RUNX1: variants seen among roughly 807,000 people sequenced by gnomAD.
RUNX1 encodes the protein RUNX family transcription factor 1, also known as runt-related transcription factor 1.
In RUNX1, 19 loss-of-function variants were observed where a neutral mutation model predicts 42.8. That is an observed-to-expected ratio of 0.44 (90% CI 0.31 to 0.65). RUNX1 has a LOEUF of 0.65. Among genes scored for constraint, RUNX1 ranks in the 30% least tolerant of loss-of-function variants. The pLI, the probability that RUNX1 is intolerant of heterozygous loss-of-function variation, is 0.07. For synonymous variants in RUNX1, 271 were observed against 289.4 expected (o/e 0.94, Z 0.64); for missense variants, 528 against 672.0 (o/e 0.79, Z 2.37).
chr21:34,913,019 T>C (rs1040724632), intron 2 of RUNX1, among the ~76,000 whole-genome samples: 5 of 151,530 alleles, frequency 3.3e-5, no homozygotes, highest in African/African-American at 1.2e-4. Context: ...TCACTTGAGG[T>C]CAGGAGTTTA....
At chr21:34,806,676 T>G (rs186963527) in intron 7 of RUNX1, among the ~76,000 whole-genome samples, 12 of 152,326 alleles carry the variant, frequency 7.9e-5, no homozygotes, top group Admixed American at 2.0e-4. Flanking sequence ...AGAATACACA[T>G]TCTTCAGCTC....
intron 4 of RUNX1, among the ~76,000 whole-genome samples, chr21:34,881,475 T>C (rs1352822229): frequency 1.3e-5 from 2 of 152,170 alleles, no homozygotes; most frequent in African/African-American, 4.8e-5. Context: ...CGTTTACTAA[T>C]TACAAAATCA....
chr21:34,987,888 G>A (rs1295208519), intron 2 of RUNX1, among the ~76,000 whole-genome samples: 1 of 152,292 alleles, frequency 6.6e-6, no homozygotes, highest in Non-Finnish European at 1.5e-5. Flanking sequence ...TGATGCCAGA[G>A]ATCCAGGCTG....
intron 2 of RUNX1, among the ~76,000 whole-genome samples, chr21:34,927,785 A>C (rs2058407179): frequency 6.6e-6 from 1 of 152,182 alleles, no homozygotes. Context: ...TTGGGGACAC[A>C]AATCAAACTG....
intron 5 of RUNX1, among the ~76,000 whole-genome samples, chr21:34,862,882 C>T (rs369466819): frequency 4.3e-4 from 65 of 152,320 alleles, no homozygotes; most frequent in African/African-American, 1.4e-3. Flanking sequence ...TACAGGCACG[C>T]GTGTGTTTTA....
Position 34,992,689 on chromosome 21 carries a change from GA to G in RUNX1, c.58+56152del, listed in dbSNP as rs1215066347. ...ATTACAAATATAAAAAAAAAAAAAA[GA>G]AAAAAAAAAACAACCCAAGAAATGG... On this transcript the variant is annotated intron_variant, in intron 2 of 8. Transcript: ENST00000675419. 5.1e-3 allele frequency among the ~76,000 whole-genome samples: 662 copies of G among 129,972 alleles called. 5 individuals carry two copies. The highest frequency in any genetic ancestry group is 0.016 in the African/African-American group (561 of 34,570). The allele number at this position is 129,972 out of a possible 152,430, so 85.3% of individuals were successfully genotyped here.
At chr21:34,923,489 AT>A (rs1288288484) in intron 2 of RUNX1, among the ~76,000 whole-genome samples, 1 of 152,208 alleles carries the variant, frequency 6.6e-6, no homozygotes, top group African/African-American at 2.4e-5. Flanking sequence ...CCAGAACTTC[AT>A]TTCAAACAAA....
chr21:34,819,023 G>A (rs1194548672), intron 7 of RUNX1, among the ~76,000 whole-genome samples: 1 of 152,190 alleles, frequency 6.6e-6, no homozygotes, highest in African/African-American at 2.4e-5. Flanking sequence ...GTATCTGTGT[G>A]ACCCTGGGCA....
chr21:35,043,681 A>G (rs1412198697), intron 2 of RUNX1, among the ~76,000 whole-genome samples: 1 of 152,194 alleles, frequency 6.6e-6, no homozygotes, highest in Non-Finnish European at 1.5e-5. Flanking sequence ...GCAGAACTCA[A>G]ATGAGACACA....
chr21:34,894,901 A>ACACG (rs1163724754), intron 2 of RUNX1, among the ~76,000 whole-genome samples: 5 of 142,256 alleles, frequency 3.5e-5, no homozygotes, highest in African/African-American at 1.5e-4. Context: ...ACACACACAC[A>ACACG]CACACACACA....
chr21:34,868,427 C>A lies in RUNX1; in HGVS notation c.509-8849G>T, dbSNP rs891628653. ...CATTAGGATCAGACCAAATTCCCAA[C>A]GTGGATGTTAAGGCAATCCCCGCCC... is the stretch of plus-strand genomic sequence containing the variant. On this transcript the variant is annotated intron_variant, in intron 5 of 8. Coordinates refer to ENST00000675419, the MANE Select transcript of RUNX1 (RefSeq NM_001754.5). Among the ~76,000 whole-genome samples the A allele has an allele frequency of 5.3e-5, 8 of 152,256 alleles. No homozygotes were observed. The East Asian group carries it at 1.2e-3, about 22-fold the overall frequency.
chr21:34,873,958 T>C (rs938836428), intron 5 of RUNX1, among the ~76,000 whole-genome samples: 9 of 152,212 alleles, frequency 5.9e-5, no homozygotes, highest in African/African-American at 1.9e-4. Context: ...AACGAGCGCA[T>C]GTCATAGTAT....
At chr21:34,836,386 G>A (rs534425618) in intron 6 of RUNX1, among the ~76,000 whole-genome samples, 6 of 152,236 alleles carry the variant, frequency 3.9e-5, no homozygotes, top group East Asian at 1.9e-4. Context: ...TTTCTAGAGC[G>A]CTCTGTGTTG....
chr21:34,817,556 G>A (rs28690393), intron 7 of RUNX1, among the ~76,000 whole-genome samples: 21,276 of 151,982 alleles, frequency 0.14, 4,545 homozygotes, highest in African/African-American at 0.46. Flanking sequence ...AATGCCTCCC[G>A]GCTCAGGTAA....
intron 2 of RUNX1, among the ~76,000 whole-genome samples, chr21:35,008,068 C>A (rs948432661): frequency 2.0e-5 from 3 of 152,208 alleles, no homozygotes; most frequent in Non-Finnish European, 2.9e-5. Context: ...CTCTCAGTGT[C>A]TGATCCATGG....
Position 34,788,355 on chromosome 21 carries a change from C to CT in RUNX1, c.*3779dup. 4.3e-6 allele frequency: 1 copy of CT among 233,294 alleles called. No homozygotes were observed. Among genetic ancestry groups the CT allele is most frequent in the Non-Finnish European group, 8.5e-6 (1 of 117,892 alleles). The allele number at this position is 233,294 out of a possible 1,614,324, so 14.5% of individuals were successfully genotyped here. On this transcript the variant is annotated 3_prime_UTR_variant, in exon 9 of 9. Coordinates refer to ENST00000675419, the MANE Select transcript of RUNX1 (RefSeq NM_001754.5). The stretch of plus-strand genomic sequence containing the variant: ...AGAATAACACAAATAACCAACAGTT[C>CT]TTTTTCTTTTTTTGCACATTCATTT...
intron 2 of RUNX1, among the ~76,000 whole-genome samples, chr21:34,936,251 T>C (rs2834679): frequency 0.036 from 5,386 of 151,548 alleles, 267 homozygotes; most frequent in African/African-American, 0.11. Flanking sequence ...TTGTGATAAC[T>C]ACTTAGAATT....
intron 3 of RUNX1, chr21:34,889,655 CG>C (rs2058053847): frequency 2.7e-6 from 3 of 1,117,460 alleles, no homozygotes; most frequent in Non-Finnish European, 3.3e-6. Flanking sequence ...TGCGCTCGAG[CG>C]GCCCCAGGTG....
chr21:34,927,478 C>G (rs936508058), intron 2 of RUNX1, among the ~76,000 whole-genome samples: 1 of 152,174 alleles, frequency 6.6e-6, no homozygotes, highest in African/African-American at 2.4e-5. Flanking sequence ...CATGCAAGTG[C>G]CCTGGGTCAA....
Sources: allele counts gnomAD v4.1 joint callset (sites outside exome capture counted in the v4.1 genomes callset), GRCh38; gene constraint gnomAD v4.1.1; transcripts MANE v1.5; gene names NCBI Gene and HGNC (gene_info 2026-07-23, HGNC 2026-07-21).